DNAH10: variants seen among roughly 807,000 people sequenced by gnomAD.
DNAH10 encodes the protein dynein axonemal heavy chain 10, also known as axonemal beta dynein heavy chain 10.
In DNAH10, 348 loss-of-function variants were observed where a neutral mutation model predicts 506.6. The observed-to-expected ratio is 0.69, with a 90% confidence interval of 0.63 to 0.75. The LOEUF (loss-of-function observed/expected upper bound fraction) is 0.75, where lower values mean the gene tolerates loss of function less well. DNAH10 is among the 30% of genes least tolerant of loss of function. The pLI, the probability that DNAH10 is intolerant of heterozygous loss-of-function variation, is 0.00. For synonymous variants in DNAH10, 2,059 were observed against 2,198.6 expected (o/e 0.94, Z 1.78); for missense variants, 5,179 against 5,787.1 (o/e 0.89, Z 3.41).
At position 123,787,053 on chromosome 12, in the gene DNAH10, C is replaced by T. The variant is rs957259117; in HGVS notation, c.1422-751C>T. Among the ~76,000 whole-genome samples, 2 of 152,046 alleles carry T rather than the reference C, an allele frequency of 1.3e-5. No homozygotes were observed. Among genetic ancestry groups the T allele is most frequent in the South Asian group, 4.2e-4 (2 of 4,816 alleles). ...ACTCAGGAGGCTGAGGCAGGAGAATCGCTTGAACCCAGGAAGTGGAGGTTG... is the reference window on the plus strand; with the variant it reads ...ACTCAGGAGGCTGAGGCAGGAGAATTGCTTGAACCCAGGAAGTGGAGGTTG... On this transcript the variant is annotated intron_variant, in intron 9 of 78. Transcript: ENST00000673944. The surrounding 1 kb of genome is among the most constrained non-coding windows in gnomAD (Gnocchi z 4.6).
In DNAH10 at chr12:123,923,697, A is replaced by C. The variant is rs75587926; in HGVS notation, c.11507-66A>C. 36 of 1,117,722 alleles carry C rather than the reference A, an allele frequency of 3.2e-5. 1 individual carries two copies. In the South Asian group the frequency reaches 5.2e-4, roughly 16 times the overall value. The allele number at this position is 1,117,722 out of a possible 1,614,324, so 69.2% of individuals were successfully genotyped here. On this transcript the variant is annotated intron_variant, in intron 65 of 78. Transcript: ENST00000673944. ...TATCTTACGTTTAAGCACAGTGTGC[A>C]TAAGAAACTCAGTTTTTTAAAAATG...
chr12:123,924,490 C>A (rs113254407), intron 67 of DNAH10, 58 bp downstream of exon 67: 82 of 1,587,194 alleles, frequency 5.2e-5, no homozygotes, highest in Non-Finnish European at 6.4e-5. Context: ...AATCTCCAAA[C>A]CTCAACTGTG....
At chr12:123,934,515 A>T (rs11057396) in intron 77 of DNAH10, 106 bp from the exon 78 acceptor site, 4 of 1,412,380 alleles carry the variant, frequency 2.8e-6, no homozygotes, top group Non-Finnish European at 3.9e-6. Context: ...GCTGGGGAGG[A>T]GGCCAGCCAG....
intron 12 of DNAH10, among the ~76,000 whole-genome samples, 163 bp from the exon 13 acceptor site, chr12:123,796,493 A>G (rs1361293451): frequency 6.6e-6 from 1 of 152,172 alleles, no homozygotes; most frequent in Non-Finnish European, 1.5e-5. Context: ...TACAGAGCAT[A>G]AGAAAAAGTA....
At chr12:123,828,710 A>G (rs994580077) in intron 25 of DNAH10, among the ~76,000 whole-genome samples, 2 of 152,064 alleles carry the variant, frequency 1.3e-5, no homozygotes, top group East Asian at 1.9e-4. Context: ...TGTCTTGTCT[A>G]TGTTTTCCTG....
chr12:123,851,878 A>G (rs773699534), intron 35 of DNAH10, among the ~76,000 whole-genome samples: 2 of 152,118 alleles, frequency 1.3e-5, no homozygotes, highest in Non-Finnish European at 2.9e-5. Flanking sequence ...GGCTCAAGTG[A>G]TCTTCCTGCC....
At chr12:123,852,207 C>T (rs1255862052) in intron 35 of DNAH10, among the ~76,000 whole-genome samples, 13 of 152,210 alleles carry the variant, frequency 8.5e-5, no homozygotes, top group Admixed American at 3.9e-4. Context: ...CCCTTTGAGA[C>T]GGGCTTCTTT....
chr12:123,817,849 G>A (rs1002675213), intron 21 of DNAH10, among the ~76,000 whole-genome samples: 1 of 152,086 alleles, frequency 6.6e-6, no homozygotes, highest in Non-Finnish European at 1.5e-5. Flanking sequence ...ACATTAGCAA[G>A]CTAAGCTAAA....
Position 123,785,652 on chromosome 12 carries a change from A to G in DNAH10, c.1231-94A>G. The G allele has an allele frequency of 8.3e-7, 1 of 1,198,150 alleles. No individual in the cohort carries two copies. The allele number at this position is 1,198,150 out of a possible 1,614,324, so 74.2% of individuals were successfully genotyped here. On this transcript the variant is annotated intron_variant, in intron 8 of 78. Coordinates refer to ENST00000673944, the MANE Select transcript of DNAH10 (RefSeq NM_001372106.1). This position sits in a 1 kb window ranked among gnomAD's most constrained non-coding sequence, Gnocchi z 4.1. ...GGTCTCAAGGAAAAAAAAAAAAAAA[A>G]AAGAGTGAAACTTCTTGCATGCTTA...
chr12:123,930,127 A>G lies in DNAH10; in HGVS notation c.12613-275A>G, dbSNP rs559735224. Reference sequence around the variant, plus strand: ...GCTGGCTTCTTCAGCTGTTTGTTTGATGTGTTTGGGGGACTTTGCCTGCTG... The same window carrying G: ...GCTGGCTTCTTCAGCTGTTTGTTTGGTGTGTTTGGGGGACTTTGCCTGCTG... On this transcript the variant is annotated intron_variant, in intron 72 of 78. Transcript: ENST00000673944. The G allele has an allele frequency of 3.3e-5, 17 of 521,530 alleles. No homozygotes were observed. The East Asian group carries it at 4.9e-4, about 15-fold the overall frequency. 32.3% of individuals were successfully genotyped at this position (521,530 alleles called of 1,614,324 possible). A position where few individuals can be genotyped will look rare whatever the true frequency, so the allele number is the denominator to read the frequency against.
chr12:123,835,470 G>T lies in DNAH10; in HGVS notation c.4844G>T (p.Arg1615Ile), dbSNP rs774825941. ...LESIFIGGDI[R>I]SQLPEEAKKF... Reference sequence around the variant, plus strand: ...AGTATTTTTATTGGTGGAGATATAAGATCACAACTTCCGGAAGAGGCAAAA... The same window carrying T: ...AGTATTTTTATTGGTGGAGATATAATATCACAACTTCCGGAAGAGGCAAAA... The change falls in exon 28 of 79, where the codon AGA becomes ATA. Residue 1615 changes from arginine to isoleucine, a missense_variant. Transcript: ENST00000673944. The T allele has an allele frequency of 7.5e-6, 12 of 1,608,916 alleles. No homozygotes were observed. The highest frequency in any genetic ancestry group is 1.0e-5 in the Non-Finnish European group (12 of 1,177,368).
chr12:123,798,879 GC>G (rs1489498350), intron 13 of DNAH10, among the ~76,000 whole-genome samples: 1 of 149,700 alleles, frequency 6.7e-6, no homozygotes, highest in African/African-American at 2.4e-5. Context: ...GCCGAGGTGG[GC>G]AGATCACCTG....
Position 123,928,944 on chromosome 12 carries a change from G to A in DNAH10, c.12307-331G>A, listed in dbSNP as rs9971695. ...ACATGCCCCATTTAATTTATTCTCCGGGAAATTCTTTTGGAAAGGTTTTGT... is the reference window on the plus strand; with the variant it reads ...ACATGCCCCATTTAATTTATTCTCCAGGAAATTCTTTTGGAAAGGTTTTGT... On this transcript the variant is annotated intron_variant, in intron 70 of 78. Transcript: ENST00000673944. The surrounding 1 kb of genome is among the most constrained non-coding windows in gnomAD (Gnocchi z 4.9). The A allele has an allele frequency of 0.33, 153,669 of 466,004 alleles. 28,886 individuals carry two copies. The highest frequency in any genetic ancestry group is 0.53 in the African/African-American group (26,853 of 50,204). The allele number at this position is 466,004 out of a possible 1,614,324, so 28.9% of individuals were successfully genotyped here.
rs761199382 is a variant in DNAH10 at position 123,820,616 on chromosome 12, C to T, written c.4037C>T (p.Ala1346Val). 3.1e-6 allele frequency: 5 copies of T among 1,613,754 alleles called. No individual in the cohort carries two copies. The African/African-American group carries it at 6.7e-5, about 22-fold the overall frequency. The change falls in exon 24 of 79, where the codon GCA becomes GTA. Residue 1346 changes from alanine to valine, a missense_variant. Transcript: ENST00000673944. ...ELLGVYERELARHEKSRQELA... is the reference protein window; with the variant it reads ...ELLGVYERELVRHEKSRQELA... ...TTAGGTGTTTATGAAAGAGAGCTGG[C>T]AAGACATGAAAAGAGCCGTCAGGAA... is the stretch of plus-strand genomic sequence containing the variant.
At chr12:123,886,495 G>A (rs371265320) in intron 51 of DNAH10, among the ~76,000 whole-genome samples, 2 of 112,044 alleles carry the variant, frequency 1.8e-5, no homozygotes, top group Non-Finnish European at 2.3e-5. Context: ...GTGTGCACAC[G>A]TGTGTGTGTG....
Position 123,762,319 on chromosome 12 carries a change from T to C in DNAH10, c.-18T>C. On this transcript the variant is annotated 5_prime_UTR_variant, in exon 1 of 79. Transcript: ENST00000673944. This position sits in a 1 kb window ranked among gnomAD's most constrained non-coding sequence, Gnocchi z 5.0. Reference sequence around the variant, plus strand: ...GACGCCCGCCCTGCGCCCGGCTCCCTCTGCACTGCGCGGCGCCATGGACGA... The same window carrying C: ...GACGCCCGCCCTGCGCCCGGCTCCCCCTGCACTGCGCGGCGCCATGGACGA... 7.7e-7 allele frequency: 1 copy of C among 1,301,244 alleles called. No individual in the cohort carries two copies. The highest frequency in any genetic ancestry group is 1.5e-5 in the African/African-American group (1 of 64,922). 80.6% of individuals were successfully genotyped at this position (1,301,244 alleles called of 1,614,324 possible).
At chr12:123,904,603 C>A (rs12309481) in intron 57 of DNAH10, among the ~76,000 whole-genome samples, 58,610 of 151,882 alleles carry the variant, frequency 0.39, 11,917 homozygotes, top group African/African-American at 0.52. Context: ...ACAGGTGCCC[C>A]GCTCACCCCT....
At chr12:123,775,300 G>A (rs1957398193) in intron 5 of DNAH10, among the ~76,000 whole-genome samples, 3 of 151,958 alleles carry the variant, frequency 2.0e-5, no homozygotes, top group Non-Finnish European at 2.9e-5. Context: ...GTAGAGACAG[G>A]GTCTCACCAT....
chr12:123,812,940 C>A (rs1209371942), intron 19 of DNAH10, among the ~76,000 whole-genome samples: 1 of 152,142 alleles, frequency 6.6e-6, no homozygotes, highest in Non-Finnish European at 1.5e-5. Flanking sequence ...CCGCCCCTTT[C>A]CATTGGTCAA....
Sources: allele counts gnomAD v4.1 joint callset (sites outside exome capture counted in the v4.1 genomes callset), GRCh38; gene constraint gnomAD v4.1.1; non-coding constraint Gnocchi (gnomAD v3.1); transcripts MANE v1.5; gene names NCBI Gene and HGNC (gene_info 2026-07-23, HGNC 2026-07-21).